SMIM13: variants seen among roughly 807,000 people sequenced by gnomAD.
SMIM13 encodes UPF0766 protein C6orf228.
Under a neutral mutation model 5.9 loss-of-function variants are expected in SMIM13, and 3 were observed. The ratio of observed to expected loss-of-function variants is 0.51; its 90% CI spans 0.23 to 1.31. The LOEUF is 1.31. SMIM13 is among the 40% of genes most tolerant of loss of function. SMIM13 has a pLI of 0.18. For synonymous variants in SMIM13, 55 were observed against 46.0 expected (o/e 1.19, Z -0.79); for missense variants, 85 against 109.9 (o/e 0.77, Z 1.01).
At chr6:11,094,472 GA>G (rs1490634484) in intron 1 of SMIM13, 83 bp downstream of exon 1, 7 of 1,156,052 alleles carry the variant, frequency 6.1e-6, no homozygotes, top group Non-Finnish European at 8.5e-6. Context: ...TTGTTTTTTT[GA>G]AAAAAACAAA....
chr6:11,114,541 A>G (rs1475821411), intron 1 of SMIM13, among the ~76,000 whole-genome samples: 1 of 106,846 alleles, frequency 9.4e-6, no homozygotes, highest in Non-Finnish European at 1.9e-5. Context: ...TGGATATTGG[A>G]TTTTTTTTTT....
At chr6:11,119,371 C>T (rs748335357) in intron 1 of SMIM13, among the ~76,000 whole-genome samples, 1 of 151,952 alleles carries the variant, frequency 6.6e-6, no homozygotes. Flanking sequence ...ATTTGGTCCT[C>T]GGGCCGGGCT....
At chr6:11,104,308 G>T in intron 1 of SMIM13, 1 of 1,551,742 alleles carries the variant, frequency 6.4e-7, no homozygotes, top group East Asian at 2.4e-5. Flanking sequence ...GGTATTGGAA[G>T]AGAGAGATTG....
chr6:11,115,183 A>G (rs899340863), intron 1 of SMIM13, among the ~76,000 whole-genome samples: 1 of 152,204 alleles, frequency 6.6e-6, no homozygotes, highest in Non-Finnish European at 1.5e-5. Context: ...GGAAGCATTT[A>G]CATACAATTG....
chr6:11,121,472 C>T (rs1441213405), intron 1 of SMIM13, among the ~76,000 whole-genome samples: 1 of 152,106 alleles, frequency 6.6e-6, no homozygotes, highest in Non-Finnish European at 1.5e-5. Context: ...TTCCCCTGTC[C>T]CCCAAAATAC....
chr6:11,105,029 T>TC, intron 1 of SMIM13: 1 of 1,614,214 alleles, frequency 6.2e-7, no homozygotes, highest in Non-Finnish European at 8.5e-7. Flanking sequence ...GCTTTACTGT[T>TC]GAAAGAAGAC....
Position 11,134,766 on chromosome 6 carries a change from A to C in SMIM13, c.*164A>C, listed in dbSNP as rs1172141484. 2.1e-6 allele frequency: 1 copy of C among 484,208 alleles called. No individual in the cohort carries two copies. Among genetic ancestry groups the C allele is most frequent in the East Asian group, 3.3e-5 (1 of 30,298 alleles). The allele number at this position is 484,208 out of a possible 1,614,324, so 30.0% of individuals were successfully genotyped here. A position where few individuals can be genotyped will look rare whatever the true frequency, so the allele number is the denominator to read the frequency against. On this transcript the variant is annotated 3_prime_UTR_variant, in exon 2 of 2. Transcript: ENST00000416247. The stretch of plus-strand genomic sequence containing the variant: ...ATAAAAATAAAGGGAACTGAAACCA[A>C]ATTGGACTATTATAAATTTCATCTT...
At chr6:11,108,598 T>C (rs1758122939) in intron 1 of SMIM13, among the ~76,000 whole-genome samples, 1 of 152,226 alleles carries the variant, frequency 6.6e-6, no homozygotes, top group African/African-American at 2.4e-5. Context: ...CCCTGGGGCC[T>C]GCCAGAGGTG....
chr6:11,094,268 C>G lies in SMIM13; in HGVS notation c.-46C>G, dbSNP rs1360989158. On this transcript the variant is annotated 5_prime_UTR_variant, in exon 1 of 2. Transcript: ENST00000416247. ...GACGCGCCGCCGCCCGCGCTCACCG[C>G]CGTCCGCGCCAGCCGCCCCGAGCCG... The G allele has an allele frequency of 1.6e-6, 2 of 1,264,380 alleles. No individual in the cohort carries two copies. The highest frequency in any genetic ancestry group is 5.2e-5 in the Admixed American group (2 of 38,154). 78.3% of individuals were successfully genotyped at this position (1,264,380 alleles called of 1,614,324 possible). A position where few individuals can be genotyped will look rare whatever the true frequency, so the allele number is the denominator to read the frequency against.
chr6:11,095,227 G>A (rs1757907215), intron 1 of SMIM13, among the ~76,000 whole-genome samples: 1 of 152,222 alleles, frequency 6.6e-6, no homozygotes, highest in South Asian at 2.1e-4. Context: ...AATTCATACA[G>A]ATACTATAGG....
chr6:11,118,213 A>AGGAAT (rs1182393480), intron 1 of SMIM13, among the ~76,000 whole-genome samples: 1 of 152,178 alleles, frequency 6.6e-6, no homozygotes, highest in Non-Finnish European at 1.5e-5. Context: ...TATAATCAAA[A>AGGAAT]GGAATGTTTT....
intron 1 of SMIM13, among the ~76,000 whole-genome samples, chr6:11,097,529 A>G (rs1371656238): frequency 2.6e-5 from 4 of 152,026 alleles, no homozygotes; most frequent in Non-Finnish European, 2.9e-5. Flanking sequence ...TTTGCCGGGC[A>G]TGATGGCACA....
At chr6:11,104,572 T>C (rs763792082) in intron 1 of SMIM13, 4 of 1,610,150 alleles carry the variant, frequency 2.5e-6, no homozygotes, top group Non-Finnish European at 3.4e-6. Flanking sequence ...TGGCTCTGGT[T>C]AGCTCCCTTG....
At chr6:11,094,811 T>A (rs1230300877) in intron 1 of SMIM13, among the ~76,000 whole-genome samples, 1 of 152,110 alleles carries the variant, frequency 6.6e-6, no homozygotes, top group Non-Finnish European at 1.5e-5. Context: ...GGGGTAGAGT[T>A]GGGTTTTCAG....
chr6:11,111,809 G>GGTGGGCTGTCTGCTGTGCA (rs1758172278), intron 1 of SMIM13: 1 of 152,138 alleles, frequency 6.6e-6, no homozygotes, highest in Non-Finnish European at 1.5e-5. Flanking sequence ...TTTTCCTTGG[G>GGTGGGCTGTCTGCTGTGCA]GTGGGCTGTC....
chr6:11,096,549 C>T (rs1250474994), intron 1 of SMIM13, among the ~76,000 whole-genome samples: 5 of 151,966 alleles, frequency 3.3e-5, no homozygotes, highest in Admixed American at 6.6e-5. Flanking sequence ...TAGGATGGGG[C>T]GGGAACTTGG....
intron 1 of SMIM13, among the ~76,000 whole-genome samples, chr6:11,121,629 A>G (rs968107999): frequency 4.6e-5 from 7 of 152,180 alleles, no homozygotes; most frequent in Non-Finnish European, 8.8e-5. Flanking sequence ...CTCTCTTACC[A>G]ATATCATGTA....
At chr6:11,134,153 T>G (rs1758487775) in intron 1 of SMIM13, among the ~76,000 whole-genome samples, 1 of 152,204 alleles carries the variant, frequency 6.6e-6, no homozygotes, top group Admixed American at 6.5e-5. Context: ...AAACTCATTA[T>G]GATTTTACTG....
At chr6:11,103,575 G>A in intron 1 of SMIM13, 1 of 1,407,082 alleles carries the variant, frequency 7.1e-7, no homozygotes, top group Non-Finnish European at 9.3e-7. Flanking sequence ...CCTCTTGCTA[G>A]CTGTCAGGGC....
Sources: allele counts gnomAD v4.1 joint callset (sites outside exome capture counted in the v4.1 genomes callset), GRCh38; gene constraint gnomAD v4.1.1; transcripts MANE v1.5; gene names NCBI Gene and HGNC (gene_info 2026-07-23, HGNC 2026-07-21).